The following WDFY3 variants were observed in gnomAD, a reference collection of about 807,000 sequenced individuals.
WDFY3 encodes WD repeat and FYVE domain containing 3, also known as WD repeat and FYVE domain-containing protein 3.
Under a neutral mutation model 409.6 loss-of-function variants are expected in WDFY3, and 66 were observed. The observed-to-expected ratio is 0.16, with a 90% CI of 0.13 to 0.20. The LOEUF is 0.20. WDFY3 is among the 10% of genes least tolerant of loss of function. The pLI, the probability that WDFY3 is intolerant of heterozygous loss-of-function variation, is 1.00. For missense variants in WDFY3, 3,031 were observed against 4,298.1 expected (o/e 0.71, Z 8.24); for synonymous variants, 1,521 against 1,537.1 (o/e 0.99, Z 0.25).
intron 2 of WDFY3, among the ~76,000 whole-genome samples, chr4:84,908,656 T>C (rs890370322): frequency 2.6e-5 from 4 of 152,192 alleles, no homozygotes; most frequent in Admixed American, 2.6e-4. Context: ...TTTCAACTTT[T>C]TTTATTGCTA....
intron 3 of WDFY3, among the ~76,000 whole-genome samples, chr4:84,880,187 C>T (rs371299971): frequency 1.3e-5 from 2 of 152,052 alleles, no homozygotes; most frequent in African/African-American, 4.8e-5. Flanking sequence ...ATGAGGGTAG[C>T]CACTGGAAGA....
At position 84,821,439 on chromosome 4, in the gene WDFY3, C is replaced by T; in HGVS notation, c.1236G>A (p.Met412Ile). Residue 412 changes from methionine to isoleucine, a missense_variant, in exon 11 of 68, where the codon ATG becomes ATA. Met to Ile is a conservative substitution (Grantham distance 10). Transcript: ENST00000295888. Reference sequence around the variant, plus strand: ...GGATGAAGTAATTGGCATTGTCAGCCATGTAAATATTTGTGATAGCATCAA... The same window carrying T: ...GGATGAAGTAATTGGCATTGTCAGCTATGTAAATATTTGTGATAGCATCAA... Reference protein sequence around the residue: ...IILDAITNIYMADNANYFILE... With the variant: ...IILDAITNIYIADNANYFILE... 6.2e-7 allele frequency: 1 copy of T among 1,613,790 alleles called. No individual in the cohort carries two copies. Among genetic ancestry groups the T allele is most frequent in the Non-Finnish European group, 8.5e-7 (1 of 1,179,844 alleles).
At chr4:84,910,159 T>C (rs1413273730) in intron 2 of WDFY3, among the ~76,000 whole-genome samples, 16 of 152,164 alleles carry the variant, frequency 1.1e-4, no homozygotes, top group Admixed American at 8.5e-4. Context: ...TTATATAACA[T>C]TGACATTGTA....
chr4:84,850,092 C>T (rs1758669667), intron 4 of WDFY3, 67 bp from the exon 5 acceptor site: 3 of 1,506,220 alleles, frequency 2.0e-6, no homozygotes, highest in Non-Finnish European at 1.8e-6. Flanking sequence ...TGTGAATTTT[C>T]AAGTGTGGTA....
chr4:84,949,364 A>C (rs1773311423), intron 1 of WDFY3, among the ~76,000 whole-genome samples: 1 of 152,218 alleles, frequency 6.6e-6, no homozygotes, highest in African/African-American at 2.4e-5. Flanking sequence ...ACACATTTAC[A>C]CGCCCAAATT....
At chr4:84,702,269 G>T in intron 56 of WDFY3, 84 bp downstream of exon 56, 2 of 1,409,692 alleles carry the variant, frequency 1.4e-6, no homozygotes, top group Non-Finnish European at 9.5e-7. Flanking sequence ...AATGTGTGCT[G>T]CAGACAATCT....
At chr4:84,715,667 C>A (rs904055375) in intron 49 of WDFY3, among the ~76,000 whole-genome samples, 1 of 147,280 alleles carries the variant, frequency 6.8e-6, no homozygotes, top group South Asian at 2.2e-4. Context: ...CCCAGCTACT[C>A]GGGAGGCTGA....
At chr4:84,962,530 T>C (rs963685885) in intron 1 of WDFY3, among the ~76,000 whole-genome samples, 2 of 152,182 alleles carry the variant, frequency 1.3e-5, no homozygotes, top group Non-Finnish European at 2.9e-5. Context: ...GAGTGAACTT[T>C]TTAGAGTAAC....
intron 3 of WDFY3, among the ~76,000 whole-genome samples, chr4:84,863,178 A>C (rs1344992279): frequency 6.6e-6 from 1 of 152,276 alleles, no homozygotes; most frequent in Non-Finnish European, 1.5e-5. Flanking sequence ...GTGCTGCAAC[A>C]AACATGGGAG....
chr4:84,726,863 T>C lies in WDFY3; in HGVS notation c.7270A>G (p.Lys2424Glu). Residue 2424 changes from lysine to glutamate, a missense_variant and splice_region_variant, in exon 45 of 68, where the codon AAG becomes GAG. Lys to Glu is a moderately conservative substitution (Grantham distance 56). Transcript: ENST00000295888. The stretch of plus-strand genomic sequence containing the variant: ...TTTTACTGTAATTTGTGTTTTACCT[T>C]TTGAGGAATATCATCGGGTGTCTCA... ...QPETPDDIPQKKPARYRRAVS... is the reference protein window; with the variant it reads ...QPETPDDIPQEKPARYRRAVS... 6 of 1,606,030 alleles carry C rather than the reference T, an allele frequency of 3.7e-6. No individual in the cohort carries two copies. The highest frequency in any genetic ancestry group is 5.1e-6 in the Non-Finnish European group (6 of 1,177,628).
intron 58 of WDFY3, among the ~76,000 whole-genome samples, chr4:84,695,499 C>CAGAGAGAGACAGAGAGAGAGAG (rs1217791319): frequency 2.7e-5 from 2 of 73,072 alleles, no homozygotes; most frequent in African/African-American, 9.0e-5. Context: ...CACACAGAGA[C>CAGAGAGAGACAGAGAGAGAGAG]AGAGAGAGAT....
chr4:84,809,796 A>T, intron 14 of WDFY3, 91 bp downstream of exon 14: 1 of 1,165,088 alleles, frequency 8.6e-7, no homozygotes, highest in Non-Finnish European at 1.2e-6. Flanking sequence ...CTGTTTTCAT[A>T]TTCTTTTGGA....
intron 26 of WDFY3, 61 bp from the exon 27 acceptor site, chr4:84,778,716 C>T (rs906738916): frequency 2.2e-5 from 33 of 1,520,738 alleles, no homozygotes; most frequent in Non-Finnish European, 2.9e-5. Flanking sequence ...ATTACACACA[C>T]ACAAACACAC....
intron 3 of WDFY3, among the ~76,000 whole-genome samples, chr4:84,876,566 C>T (rs1192895138): frequency 6.6e-6 from 1 of 151,994 alleles, no homozygotes; most frequent in Non-Finnish European, 1.5e-5. Flanking sequence ...CCGTAATGTA[C>T]ATTTACCAGT....
chr4:84,778,567 C>G lies in WDFY3; in HGVS notation c.4454G>C (p.Ser1485Thr). Residue 1485 changes from serine to threonine, a missense_variant, in exon 27 of 68, where the codon AGT (serine) becomes ACT (threonine). By Grantham distance (58) the Ser-to-Thr change is moderately conservative. Transcript: ENST00000295888. ...LTFSLVGTVD[S>T]GHETSIIPNS... Reference sequence around the variant, plus strand: ...TGGAATAATGGAGGTCTCATGTCCACTATCAACAGTTCCCACCAAAGAAAA... The same window carrying G: ...TGGAATAATGGAGGTCTCATGTCCAGTATCAACAGTTCCCACCAAAGAAAA... The G allele has an allele frequency of 1.2e-6, 2 of 1,612,232 alleles. No homozygotes were observed. The highest frequency in any genetic ancestry group is 1.7e-6 in the Non-Finnish European group (2 of 1,179,408).
intron 24 of WDFY3, 102 bp downstream of exon 24, chr4:84,785,877 A>G (rs2149514444): frequency 7.1e-7 from 1 of 1,414,832 alleles, no homozygotes. Context: ...GAAAGGCATG[A>G]TTTTTAGCAG....
chr4:84,922,956 A>G (rs1241307064), intron 2 of WDFY3, among the ~76,000 whole-genome samples: 2 of 152,234 alleles, frequency 1.3e-5, no homozygotes, highest in African/African-American at 4.8e-5. Flanking sequence ...AATGATAGCT[A>G]AAAATCGAAG....
intron 2 of WDFY3, among the ~76,000 whole-genome samples, chr4:84,919,803 TA>T (rs2150841895): frequency 6.6e-6 from 1 of 152,282 alleles, no homozygotes; most frequent in Admixed American, 6.5e-5. Context: ...CTTTCCTTTA[TA>T]AATCACCCAG....
intron 2 of WDFY3, among the ~76,000 whole-genome samples, chr4:84,912,989 G>A (rs546624545): frequency 6.6e-6 from 1 of 152,266 alleles, no homozygotes; most frequent in East Asian, 1.9e-4. Flanking sequence ...AGTGCTTTCT[G>A]GATTGCTTCC....
Sources: allele counts gnomAD v4.1 joint callset (sites outside exome capture counted in the v4.1 genomes callset), GRCh38; gene constraint gnomAD v4.1.1; transcripts MANE v1.5; gene names NCBI Gene and HGNC (gene_info 2026-07-23, HGNC 2026-07-21).